The following LRP2 variants were observed in gnomAD, a reference collection of about 807,000 sequenced individuals.
The protein encoded by LRP2 is LDL receptor related protein 2.
LRP2 carries 172 observed loss-of-function variants against 531.0 expected under a neutral mutation model. The ratio of observed to expected loss-of-function variants is 0.32; its 90% CI spans 0.29 to 0.37. LRP2 has a LOEUF of 0.37. Ranked by LOEUF, LRP2 falls within the 10% of genes least tolerant of loss-of-function variation. LRP2 has a pLI of 1.00. For synonymous variants in LRP2, 1,992 were observed against 2,027.6 expected (o/e 0.98, Z 0.47); for missense variants, 5,167 against 5,868.3 (o/e 0.88, Z 3.90).
intron 1 of LRP2, among the ~76,000 whole-genome samples, chr2:169,360,353 A>G (rs1462998506): frequency 6.6e-6 from 1 of 152,116 alleles, no homozygotes; most frequent in Non-Finnish European, 1.5e-5. Flanking sequence ...AATTGAGTCA[A>G]TAAGTATAAA....
At chr2:169,326,921 G>T (rs1479078158) in intron 1 of LRP2, among the ~76,000 whole-genome samples, 1 of 147,164 alleles carries the variant, frequency 6.8e-6, no homozygotes, top group Non-Finnish European at 1.5e-5. Flanking sequence ...CCGTCTGGGA[G>T]GTGAGGAGCG....
chr2:169,236,125 C>G lies in LRP2; in HGVS notation c.4692-57G>C, dbSNP rs201494050. On this transcript the variant is annotated intron_variant, in intron 28 of 78. Coordinates refer to ENST00000649046, the MANE Select transcript of LRP2 (RefSeq NM_004525.3). Reference sequence around the variant, plus strand: ...GGACGTATTTAAATATTAAAAATAACTGTCATTTTAAATAATACAACATCC... The same window carrying G: ...GGACGTATTTAAATATTAAAAATAAGTGTCATTTTAAATAATACAACATCC... The G allele has an allele frequency of 1.7e-5, 21 of 1,246,838 alleles. No homozygotes were observed. The East Asian group carries it at 5.1e-4, about 30-fold the overall frequency. The allele number at this position is 1,246,838 out of a possible 1,614,324, so 77.2% of individuals were successfully genotyped here. A position where few individuals can be genotyped will look rare whatever the true frequency, so the allele number is the denominator to read the frequency against.
chr2:169,336,657 TCTC>T (rs1559081743), intron 1 of LRP2, among the ~76,000 whole-genome samples: 1 of 151,924 alleles, frequency 6.6e-6, no homozygotes, highest in African/African-American at 2.4e-5. Flanking sequence ...TCCAAAGTAT[TCTC>T]CACTGCACAG....
intron 44 of LRP2, among the ~76,000 whole-genome samples, chr2:169,199,556 C>T (rs916745606): frequency 2.6e-5 from 4 of 152,058 alleles, no homozygotes; most frequent in Admixed American, 1.3e-4. Context: ...GTAGTTTTAA[C>T]TTTGGAACTA....
At chr2:169,176,704 T>A (rs868241074) in intron 53 of LRP2, 116 bp from the exon 54 acceptor site, 3 of 890,122 alleles carry the variant, frequency 3.4e-6, no homozygotes, top group African/African-American at 3.3e-5. Context: ...AAAAAAACTA[T>A]CCTAGATTTA....
intron 4 of LRP2, 39 bp downstream of exon 4, chr2:169,307,242 G>T: frequency 7.3e-7 from 1 of 1,378,538 alleles, no homozygotes; most frequent in Non-Finnish European, 1.0e-6. Flanking sequence ...AGGGACAAGG[G>T]TGAAACCAAA....
At chr2:169,257,010 T>C in intron 18 of LRP2, 114 bp downstream of exon 18, 1 of 1,200,538 alleles carries the variant, frequency 8.3e-7, no homozygotes, top group African/African-American at 1.5e-5. Context: ...TATTTAAAAT[T>C]CCGCGAGGGC....
At position 169,196,899 on chromosome 2, in the gene LRP2, T is replaced by C. The variant is rs1282850382; in HGVS notation, c.8698+12A>G. Reference sequence around the variant, plus strand: ...GCATCGTGATGTTTTTCATGCTTGCTTACTCTCTTACCACAAGAGGCAGGT... The same window carrying C: ...GCATCGTGATGTTTTTCATGCTTGCCTACTCTCTTACCACAAGAGGCAGGT... On this transcript the variant is annotated intron_variant, in intron 46 of 78. Coordinates refer to ENST00000649046, the MANE Select transcript of LRP2 (RefSeq NM_004525.3). 1 of 1,613,978 alleles carries C rather than the reference T, an allele frequency of 6.2e-7. No individual in the cohort carries two copies. Among genetic ancestry groups the C allele is most frequent in the African/African-American group, 1.3e-5 (1 of 74,936 alleles).
At chr2:169,293,697 A>G (rs561904964) in intron 6 of LRP2, among the ~76,000 whole-genome samples, 9 of 152,300 alleles carry the variant, frequency 5.9e-5, no homozygotes, top group Admixed American at 1.3e-4. Flanking sequence ...ACGAAGAAAA[A>G]GAAACTTTCC....
chr2:169,254,801 C>T (rs1354807102), intron 19 of LRP2, among the ~76,000 whole-genome samples: 2 of 151,786 alleles, frequency 1.3e-5, no homozygotes, highest in African/African-American at 4.8e-5. Flanking sequence ...AACATCCCAG[C>T]CCAGAGCAGA....
chr2:169,152,686 T>C (rs1686187415), intron 67 of LRP2, 113 bp downstream of exon 67: 2 of 1,210,032 alleles, frequency 1.7e-6, no homozygotes. Flanking sequence ...GCTGCACCCA[T>C]GGCTGAGTGT....
intron 46 of LRP2, 24 bp downstream of exon 46, chr2:169,196,887 T>C (rs760857570): frequency 6.2e-7 from 1 of 1,613,980 alleles, no homozygotes; most frequent in Non-Finnish European, 8.5e-7. Context: ...TCGTGATGTT[T>C]TTCATGCTTG....
intron 41 of LRP2, among the ~76,000 whole-genome samples, chr2:169,204,566 T>C (rs1052854180): frequency 5.3e-5 from 8 of 152,198 alleles, no homozygotes; most frequent in Admixed American, 2.0e-4. Context: ...TGCATGGAAC[T>C]CAGTGTTAAG....
intron 1 of LRP2, among the ~76,000 whole-genome samples, chr2:169,347,678 C>T (rs1418986120): frequency 6.6e-6 from 1 of 151,852 alleles, no homozygotes; most frequent in African/African-American, 2.4e-5. Flanking sequence ...AAAGTACAGT[C>T]TTCTAGTCTT....
At chr2:169,181,720 T>C (rs560779986) in intron 51 of LRP2, 102 bp from the exon 52 acceptor site, 8 of 652,274 alleles carry the variant, frequency 1.2e-5, no homozygotes, top group East Asian at 1.1e-4. Flanking sequence ...CTGCATTCTG[T>C]AGAGCAGACT....
chr2:169,324,264 C>G (rs564053794), intron 1 of LRP2, among the ~76,000 whole-genome samples: 1 of 152,222 alleles, frequency 6.6e-6, no homozygotes, highest in South Asian at 2.1e-4. Context: ...AGCTCTGATT[C>G]CAGCATTCGT....
At position 169,214,531 on chromosome 2, in the gene LRP2, G is replaced by A. The variant is rs1688708293; in HGVS notation, c.5827-661C>T. Among the ~76,000 whole-genome samples, 3 of 151,938 alleles carry A rather than the reference G, an allele frequency of 2.0e-5. No homozygotes were observed. The South Asian group carries it at 6.2e-4, about 31-fold the overall frequency. ...TGCTCTGTGCCAGGATCTGGGCTGG[G>A]TATTGGCGAGAGACACAGTGTGGCT... On this transcript the variant is annotated intron_variant, in intron 35 of 78. Transcript: ENST00000649046.
At chr2:169,170,951 G>T (rs1332877270) in intron 58 of LRP2, among the ~76,000 whole-genome samples, 18 of 81,112 alleles carry the variant, frequency 2.2e-4, no homozygotes, top group African/African-American at 7.5e-4. Flanking sequence ...TTTTGAAACA[G>T]GATCTTTCAA....
intron 4 of LRP2, among the ~76,000 whole-genome samples, chr2:169,306,390 C>T (rs1181655536): frequency 6.6e-6 from 1 of 152,014 alleles, no homozygotes; most frequent in African/African-American, 2.4e-5. Context: ...AAAAATTAGT[C>T]GGGCGTGGTG....
Sources: gnomAD v4.1 joint callset for allele counts (sites outside exome capture counted in the v4.1 genomes callset) on GRCh38, gnomAD v4.1.1 for gene constraint, MANE v1.5 for transcripts, NCBI Gene and HGNC (gene_info 2026-07-23, HGNC 2026-07-21) for gene names.